The following ANO4 variants were observed in gnomAD, a reference collection of about 807,000 sequenced individuals.
The protein encoded by ANO4 is anoctamin 4.
In ANO4, 69 loss-of-function variants were observed where a neutral mutation model predicts 141.9. That is an observed-to-expected ratio of 0.49 (90% CI 0.40 to 0.59). The LOEUF (loss-of-function observed/expected upper bound fraction) is 0.59, where lower values mean the gene tolerates loss of function less well. Among genes scored for constraint, ANO4 ranks in the 20% least tolerant of loss-of-function variants. ANO4 has a pLI of 0.00. For synonymous variants in ANO4, 350 were observed against 394.3 expected, an observed-to-expected ratio of 0.89 and a Z score of 1.33; for missense variants, 894 against 1,162.2, an observed-to-expected ratio of 0.77 and a Z score of 3.36.
chr12:100,970,196 T>C (rs936813910), intron 5 of ANO4, among the ~76,000 whole-genome samples: 1 of 152,228 alleles, frequency 6.6e-6, no homozygotes, highest in African/African-American at 2.4e-5. Context: ...TGCTTTTGCC[T>C]GGATGACTGA....
At chr12:100,753,576 C>T (rs529785966) in intron 3 of ANO4, among the ~76,000 whole-genome samples, 3 of 152,268 alleles carry the variant, frequency 2.0e-5, no homozygotes, top group South Asian at 2.1e-4. Context: ...GCAGCCTGCT[C>T]TGCCAATATC....
At chr12:100,919,670 C>CTCTG (rs2041516795) in intron 2 of ANO4, among the ~76,000 whole-genome samples, 3 of 139,792 alleles carry the variant, frequency 2.1e-5, no homozygotes, top group African/African-American at 8.3e-5. Flanking sequence ...GGACATGTCT[C>CTCTG]TGTGTGTGTG....
chr12:100,862,245 TAGAA>T (rs1421656686), intron 1 of ANO4, among the ~76,000 whole-genome samples: 1 of 152,206 alleles, frequency 6.6e-6, no homozygotes, highest in Admixed American at 6.5e-5. Context: ...TTTAAATAAA[TAGAA>T]GGAGTATACT....
At position 100,942,268 on chromosome 12, in the gene ANO4, C is replaced by T. The variant is rs538378601; in HGVS notation, c.298-109C>T. Reference sequence around the variant, plus strand: ...TGCTGGGATTACAGGCATGAGCCACCGCACCCGAACTGAAAAAAGTTATTT... The same window carrying T: ...TGCTGGGATTACAGGCATGAGCCACTGCACCCGAACTGAAAAAAGTTATTT... On this transcript the variant is annotated intron_variant, in intron 4 of 27. Coordinates refer to ENST00000392977, the MANE Select transcript of ANO4 (RefSeq NM_001286615.2). The T allele has an allele frequency of 4.1e-4, 531 of 1,298,518 alleles. 1 individual carries two copies. Among genetic ancestry groups the T allele is most frequent in the Admixed American group, 1.0e-3 (43 of 41,334 alleles). The allele number at this position is 1,298,518 out of a possible 1,614,324, so 80.4% of individuals were successfully genotyped here.
intron 9 of ANO4, among the ~76,000 whole-genome samples, chr12:101,032,113 G>T (rs190271468): frequency 2.0e-5 from 3 of 151,968 alleles, no homozygotes; most frequent in Non-Finnish European, 4.4e-5. Context: ...AAAGAAGACC[G>T]CATACAGCCA....
rs191086109 is a variant in ANO4, at chr12:101,106,445, T to A, written c.2150-3959T>A. On this transcript the variant is annotated intron_variant, in intron 22 of 27. Transcript: ENST00000392977. ...TCAAGATAATATCTCAAAATTATCATGTGATATGAACAGGGCAAAAAAATT... is the reference window on the plus strand; with the variant it reads ...TCAAGATAATATCTCAAAATTATCAAGTGATATGAACAGGGCAAAAAAATT... 3.3e-4 allele frequency among the ~76,000 whole-genome samples: 50 copies of A among 152,000 alleles called. 1 individual carries two copies. Among genetic ancestry groups the A allele is most frequent in the African/African-American group, 1.2e-3 (48 of 41,512 alleles).
chr12:100,793,878 G>T (rs1331550440), upstream of ANO4, among the ~76,000 whole-genome samples: 6 of 152,120 alleles, frequency 3.9e-5, no homozygotes, highest in Non-Finnish European at 8.8e-5. Flanking sequence ...AGTCCTCCAC[G>T]CATCCTTCAT....
rs558257635 is a variant in ANO4 at position 101,007,620 on chromosome 12, G to C, written c.735-12414G>C. Among the ~76,000 whole-genome samples the C allele has an allele frequency of 3.9e-5, 6 of 152,254 alleles. No homozygotes were observed. In the South Asian group the frequency reaches 1.2e-3, roughly 32 times the overall value. ...TGTTTTTTCTTTAACCAACAAAGTA[G>C]ATATTATTGTATTCCTTCAAGATGT... On this transcript the variant is annotated intron_variant, in intron 8 of 27. Coordinates refer to ENST00000392977, the MANE Select transcript of ANO4 (RefSeq NM_001286615.2).
chr12:100,999,689 AAGAG>A (rs1170341736), intron 8 of ANO4, among the ~76,000 whole-genome samples: 1 of 152,118 alleles, frequency 6.6e-6, no homozygotes, highest in East Asian at 1.9e-4. Context: ...AAGGAAAGAA[AAGAG>A]AGAGGGAGAG....
intron 1 of ANO4, among the ~76,000 whole-genome samples, chr12:100,828,021 A>T (rs1326386028): frequency 6.6e-6 from 1 of 152,016 alleles, no homozygotes; most frequent in Non-Finnish European, 1.5e-5. Context: ...TTAGTTCCAG[A>T]AACAAGGTTG....
chr12:101,086,125 T>TGTGTGTGTGTGTGTGTG (rs1566228195), intron 16 of ANO4, among the ~76,000 whole-genome samples: 4 of 134,838 alleles, frequency 3.0e-5, no homozygotes, highest in African/African-American at 6.2e-5. Context: ...TGTGTGTGTG[T>TGTGTGTGTGTGTGTGTG]TCGGCAAGAG....
intron 16 of ANO4, 26 bp downstream of exon 16, chr12:101,083,844 G>A (rs765731429): frequency 5.9e-6 from 9 of 1,528,330 alleles, no homozygotes; most frequent in African/African-American, 1.4e-5. Context: ...AAAAATATTT[G>A]TTTCATAAAA....
In ANO4 at chr12:101,076,313, A is replaced by T. The variant is rs111425884; in HGVS notation, c.1313-2880A>T. On this transcript the variant is annotated intron_variant, in intron 14 of 27. Coordinates refer to ENST00000392977, the MANE Select transcript of ANO4 (RefSeq NM_001286615.2). ...CCCACCATGTAAGGGCACAGCTGGC[A>T]GGTGCCATCTAAGAACCAGAAAGCA... is the stretch of plus-strand genomic sequence containing the variant. Among the ~76,000 whole-genome samples the T allele has an allele frequency of 5.6e-3, 859 of 152,242 alleles. 14 individuals are homozygous for T. Among genetic ancestry groups the T allele is most frequent in the African/African-American group, 0.02 (827 of 41,566 alleles).
chr12:100,911,309 C>A (rs976475716), intron 2 of ANO4, among the ~76,000 whole-genome samples: 2 of 152,130 alleles, frequency 1.3e-5, no homozygotes, highest in South Asian at 2.1e-4. Context: ...TATTCTTATT[C>A]TCTTATTTAA....
chr12:100,822,643 T>G (rs1389844697), intron 1 of ANO4, among the ~76,000 whole-genome samples: 1 of 152,014 alleles, frequency 6.6e-6, no homozygotes, highest in Admixed American at 6.6e-5. Context: ...AACTGGGCAT[T>G]ACCTTAACCA....
At chr12:101,007,672 C>T (rs1490911127) in intron 8 of ANO4, among the ~76,000 whole-genome samples, 2 of 152,098 alleles carry the variant, frequency 1.3e-5, no homozygotes, top group African/African-American at 4.8e-5. Context: ...AAGATATAAC[C>T]TAGCTATATT....
intron 14 of ANO4, among the ~76,000 whole-genome samples, chr12:101,074,024 G>A (rs746005580): frequency 2.0e-5 from 3 of 152,144 alleles, no homozygotes; most frequent in Admixed American, 2.0e-4. Flanking sequence ...TGGCTTGAGA[G>A]TGTCCTTTTC....
At chr12:100,740,683 C>T (rs1457096183) in intron 3 of ANO4, among the ~76,000 whole-genome samples, 1 of 152,128 alleles carries the variant, frequency 6.6e-6, no homozygotes, top group African/African-American at 2.4e-5. Flanking sequence ...AAACTACTGC[C>T]AAATCTGGCT....
intron 26 of ANO4, among the ~76,000 whole-genome samples, chr12:101,123,516 T>C (rs1038141994): frequency 2.4e-5 from 3 of 123,684 alleles, no homozygotes; most frequent in Non-Finnish European, 3.2e-5. Flanking sequence ...TTTCCCACCA[T>C]GTGTCCATGT....
Sources: gnomAD v4.1 joint callset for allele counts (sites outside exome capture counted in the v4.1 genomes callset) on GRCh38, gnomAD v4.1.1 for gene constraint, MANE v1.5 for transcripts, NCBI Gene and HGNC (gene_info 2026-07-23, HGNC 2026-07-21) for gene names.